ZNF223: variants seen among roughly 807,000 people sequenced by gnomAD.
The protein encoded by ZNF223 is zinc finger protein 223.
A neutral mutation model predicts 12.3 loss-of-function variants in ZNF223; 9 were observed. The ratio of observed to expected loss-of-function variants is 0.73; its 90% CI spans 0.44 to 1.28. The LOEUF (loss-of-function observed/expected upper bound fraction) is 1.28, where lower values mean the gene tolerates loss of function less well. Among genes scored for constraint, ZNF223 ranks in the 50% most tolerant of loss-of-function variants. The pLI is 0.00. For missense variants in ZNF223, 506 were observed against 579.0 expected, an observed-to-expected ratio of 0.87 and a Z score of 1.29; for synonymous variants, 171 against 195.2, an observed-to-expected ratio of 0.88 and a Z score of 1.03.
Position 44,066,571 on chromosome 19 carries a change from C to G in ZNF223, c.743C>G (p.Thr248Arg). 3 of 1,614,104 alleles carry G rather than the reference C, an allele frequency of 1.9e-6. No individual in the cohort carries two copies. Among genetic ancestry groups the G allele is most frequent in the Non-Finnish European group, 2.5e-6 (3 of 1,179,974 alleles). ...GGCTTCAGATGTAGATCAGCACTTA[C>G]AGTTCATTGCAAATTACACATGGGA... The part of the protein sequence containing the change: ...GRGFRCRSAL[T>R]VHCKLHMGEK... Residue 248 changes from threonine (T) to arginine (R), a missense_variant, in exon 5 of 5, where the codon ACA becomes AGA. Transcript: ENST00000434772.
At chr19:44,056,723 A>G (rs1474260134) in intron 2 of ZNF223, among the ~76,000 whole-genome samples, 1 of 146,960 alleles carries the variant, frequency 6.8e-6, no homozygotes, top group East Asian at 2.2e-4. Context: ...CCTCCCGAGT[A>G]GCTGGGACTA....
chr19:44,053,236 C>T (rs544991728), intron 1 of ZNF223, among the ~76,000 whole-genome samples: 10 of 152,078 alleles, frequency 6.6e-5, no homozygotes, highest in Non-Finnish European at 1.3e-4. Flanking sequence ...GACCGGCGCT[C>T]AGCAAATGAG....
rs1206747152 is a variant in ZNF223, at chr19:44,066,268, C to T, written c.440C>T (p.Pro147Leu). The T allele has an allele frequency of 6.2e-7, 1 of 1,614,232 alleles. No homozygotes were observed. Among genetic ancestry groups the T allele is most frequent in the Non-Finnish European group, 8.5e-7 (1 of 1,180,040 alleles). ...GLSIMHTGQK[P>L]SNCGKCKQSF... ...TCTATAATGCACACAGGACAGAAAC[C>T]TTCCAATTGTGGGAAGTGTAAACAA... The change falls in exon 5 of 5, where the codon CCT (proline) becomes CTT (leucine). Residue 147 changes from proline to leucine, a missense_variant. By Grantham distance (98) the Pro-to-Leu change is moderately conservative. Transcript: ENST00000434772.
At position 44,052,525 on chromosome 19, in the gene ZNF223, G is replaced by A. The variant is rs549609232; in HGVS notation, c.-69+330G>A. Among the ~76,000 whole-genome samples, 357 of 152,304 alleles carry A rather than the reference G, an allele frequency of 2.3e-3. 1 individual carries two copies. The highest frequency in any genetic ancestry group is 7.8e-3 in the African/African-American group (326 of 41,552). On this transcript the variant is annotated intron_variant, in intron 1 of 4. Transcript: ENST00000434772. Reference sequence around the variant, plus strand: ...TAAAGTTGTCCCTGTCACTTGGTGAGTGGTCTCTTGTTGCCTGATATTTTA... The same window carrying A: ...TAAAGTTGTCCCTGTCACTTGGTGAATGGTCTCTTGTTGCCTGATATTTTA...
intron 2 of ZNF223, 50 bp from the exon 3 acceptor site, chr19:44,060,405 C>A (rs1976820958): frequency 6.2e-7 from 1 of 1,605,468 alleles, no homozygotes; most frequent in Non-Finnish European, 8.5e-7. Flanking sequence ...TCCTTCTCTC[C>A]CAGTAACCAT....
At chr19:44,055,263 C>A in intron 2 of ZNF223, 72 bp downstream of exon 2, 1 of 1,550,594 alleles carries the variant, frequency 6.4e-7, no homozygotes, top group Non-Finnish European at 8.9e-7. Flanking sequence ...TTTTTCTCTG[C>A]CCTGGGAAGA....
chr19:44,066,971 C>T lies in ZNF223; in HGVS notation c.1143C>T (p.Tyr381=). The change falls in exon 5 of 5, where the codon TAC becomes TAT. Residue 381 remains tyrosine, a synonymous_variant. Transcript: ENST00000434772. ...PYKCDKCGKS[Y]ITKSGLDLHH... The stretch of plus-strand genomic sequence containing the variant: ...AATGTGACAAGTGTGGGAAGAGCTA[C>T]ATTACTAAGTCAGGTCTTGACTTGC... The T allele has an allele frequency of 6.2e-7, 1 of 1,613,246 alleles. No individual in the cohort carries two copies. Among genetic ancestry groups the T allele is most frequent in the South Asian group, 1.1e-5 (1 of 91,048 alleles).
intron 2 of ZNF223, among the ~76,000 whole-genome samples, chr19:44,057,764 G>A (rs531097312): frequency 4.1e-4 from 62 of 152,332 alleles, no homozygotes; most frequent in African/African-American, 6.0e-4. Flanking sequence ...TGTGCCTTGC[G>A]AGTACAGAAG....
chr19:44,058,911 C>T (rs1599868755), intron 2 of ZNF223, among the ~76,000 whole-genome samples: 3 of 152,306 alleles, frequency 2.0e-5, no homozygotes, highest in South Asian at 2.1e-4. Flanking sequence ...TGGTGCATCT[C>T]GCTTCCAGGG....
At chr19:44,052,272 G>C (rs963226053) in intron 1 of ZNF223, 77 bp downstream of exon 1, 5 of 152,296 alleles carry the variant, frequency 3.3e-5, no homozygotes, top group Admixed American at 2.0e-4. Flanking sequence ...TCGCCTCCCG[G>C]GGGGTGGGAT....
chr19:44,066,385 G>A lies in ZNF223; in HGVS notation c.557G>A (p.Cys186Tyr), dbSNP rs746319751. ...HSCDECGKSFCYISALHIHQR... is the reference protein window; with the variant it reads ...HSCDECGKSFYYISALHIHQR... ...TGTGATGAGTGTGGAAAAAGCTTCTGTTACATCTCAGCGCTTCATATTCAT... is the reference window on the plus strand; with the variant it reads ...TGTGATGAGTGTGGAAAAAGCTTCTATTACATCTCAGCGCTTCATATTCAT... Residue 186 changes from cysteine (C) to tyrosine (Y), a missense_variant, in exon 5 of 5, where the codon TGT (cysteine) becomes TAT (tyrosine). Coordinates refer to ENST00000434772, the MANE Select transcript of ZNF223 (RefSeq NM_013361.6). 2 of 1,614,178 alleles carry A rather than the reference G, an allele frequency of 1.2e-6. No homozygotes were observed. Among genetic ancestry groups the A allele is most frequent in the East Asian group, 2.2e-5 (1 of 44,884 alleles).
At chr19:44,064,575 A>G (rs1359112937) in intron 4 of ZNF223, among the ~76,000 whole-genome samples, 3 of 152,188 alleles carry the variant, frequency 2.0e-5, no homozygotes, top group African/African-American at 7.2e-5. Context: ...GGGTTAAACT[A>G]AAAAGTTTAA....
intron 4 of ZNF223, among the ~76,000 whole-genome samples, chr19:44,063,957 A>G (rs1318498835): frequency 6.6e-6 from 1 of 152,128 alleles, no homozygotes; most frequent in African/African-American, 2.4e-5. Flanking sequence ...CCAAGTTTCA[A>G]CCTTTGGAAC....
At chr19:44,061,871 A>G (rs947037857) in intron 4 of ZNF223, among the ~76,000 whole-genome samples, 2 of 152,198 alleles carry the variant, frequency 1.3e-5, no homozygotes, top group Non-Finnish European at 2.9e-5. Flanking sequence ...CTGAGTTTTA[A>G]TGTCATGGAA....
chr19:44,056,633 G>A (rs1184936922), intron 2 of ZNF223, among the ~76,000 whole-genome samples: 2 of 98,358 alleles, frequency 2.0e-5, no homozygotes, highest in African/African-American at 8.6e-5. Flanking sequence ...TCTCTCTGTT[G>A]CCTAGGCTGG....
intron 4 of ZNF223, among the ~76,000 whole-genome samples, chr19:44,064,840 C>T (rs1290592367): frequency 6.6e-6 from 1 of 152,140 alleles, no homozygotes; most frequent in Non-Finnish European, 1.5e-5. Context: ...TAGAGTCGGG[C>T]ATGTTACATA....
chr19:44,061,293 A>G (rs1488388415), intron 4 of ZNF223, among the ~76,000 whole-genome samples: 4 of 152,188 alleles, frequency 2.6e-5, no homozygotes, highest in Non-Finnish European at 2.9e-5. Flanking sequence ...AACTTAGATG[A>G]TTAAATAAGA....
chr19:44,052,013 A>T (rs1976706415), upstream of ZNF223: 1 of 152,220 alleles, frequency 6.6e-6, no homozygotes, highest in Non-Finnish European at 1.5e-5. Context: ...ACTCTGGCGC[A>T]GAGAGGACAC....
At chr19:44,060,160 T>C (rs2147473946) in intron 2 of ZNF223, among the ~76,000 whole-genome samples, 1 of 152,298 alleles carries the variant, frequency 6.6e-6, no homozygotes, top group Non-Finnish European at 1.5e-5. Flanking sequence ...CCTATATACG[T>C]GTAGCCCAGT....
Sources: gnomAD v4.1 joint callset for allele counts (sites outside exome capture counted in the v4.1 genomes callset) on GRCh38, gnomAD v4.1.1 for gene constraint, MANE v1.5 for transcripts, NCBI Gene and HGNC (gene_info 2026-07-23, HGNC 2026-07-21) for gene names.